Variants in GLDC observed in about 807,000 individuals in gnomAD.
GLDC encodes glycine dehydrogenase (decarboxylating), mitochondrial.
In GLDC, 104 loss-of-function variants were observed where a neutral mutation model predicts 121.3. The observed-to-expected ratio is 0.86, with a 90% CI of 0.73 to 1.01. The LOEUF (loss-of-function observed/expected upper bound fraction) is 1.01, where lower values mean the gene tolerates loss of function less well. Among genes scored for constraint, GLDC ranks in the 50% least tolerant of loss-of-function variants. The pLI is 0.00. For missense variants in GLDC, 1,429 were observed against 1,306.6 expected (o/e 1.09, Z -1.44); for synonymous variants, 546 against 480.6 (o/e 1.14, Z -1.78).
chr9:6,534,639 C>G lies in GLDC; in HGVS notation c.2919+69G>C, dbSNP rs998354203. ...GTTTCTGTAATCATGAGGCTAAGAG[C>G]GTACACCCGTCAGGATAGGAGCTGG... On this transcript the variant is annotated intron_variant, in intron 24 of 24. Transcript: ENST00000321612. 2.6e-5 allele frequency: 21 copies of G among 796,882 alleles called. No individual in the cohort carries two copies. The East Asian group carries it at 3.7e-4, about 14-fold the overall frequency. 49.4% of individuals were successfully genotyped at this position (796,882 alleles called of 1,614,324 possible).
intron 8 of GLDC, among the ~76,000 whole-genome samples, chr9:6,601,494 G>C (rs1013436910): frequency 6.6e-6 from 1 of 151,998 alleles, no homozygotes; most frequent in Non-Finnish European, 1.5e-5. Flanking sequence ...TGTGATTATG[G>C]GTAAAATGAA....
At chr9:6,560,069 C>G (rs1240937107) in intron 16 of GLDC, among the ~76,000 whole-genome samples, 2 of 152,180 alleles carry the variant, frequency 1.3e-5, no homozygotes, top group Non-Finnish European at 2.9e-5. Flanking sequence ...AATTCTCAGA[C>G]TCAAATCATC....
At chr9:6,583,544 T>C (rs913677569) in intron 15 of GLDC, among the ~76,000 whole-genome samples, 9 of 152,176 alleles carry the variant, frequency 5.9e-5, no homozygotes, top group Middle Eastern at 3.4e-3. Context: ...GGCATAGTGA[T>C]GCGTGCCAGT....
intron 15 of GLDC, among the ~76,000 whole-genome samples, chr9:6,577,926 C>T (rs958350894): frequency 6.6e-6 from 1 of 151,442 alleles, no homozygotes; most frequent in Non-Finnish European, 1.5e-5. Flanking sequence ...TAAGATCTTT[C>T]TTCTTTTTTC....
chr9:6,626,734 A>G (rs1285959917), intron 2 of GLDC, among the ~76,000 whole-genome samples: 2 of 152,208 alleles, frequency 1.3e-5, no homozygotes, highest in Non-Finnish European at 2.9e-5. Context: ...TCCAGGAGGT[A>G]ATAGGTAAAG....
chr9:6,643,867 C>G (rs771540948), intron 2 of GLDC, among the ~76,000 whole-genome samples: 1 of 151,124 alleles, frequency 6.6e-6, no homozygotes, highest in Non-Finnish European at 1.5e-5. Flanking sequence ...AACCCTGTCT[C>G]TAATAAAAAT....
intron 15 of GLDC, among the ~76,000 whole-genome samples, chr9:6,572,783 C>A (rs1817991048): frequency 6.6e-6 from 1 of 152,174 alleles, no homozygotes; most frequent in Non-Finnish European, 1.5e-5. Flanking sequence ...CTGTGAACTG[C>A]CCAATAACTT....
At position 6,606,660 on chromosome 9, in the gene GLDC, C is replaced by T. The variant is rs1818740340; in HGVS notation, c.645G>A (p.Lys215=). ...GGGGATCAACGAGAAATTTCCTCCT[C>T]TTGTTGTGTCTGTTGAAAAGAAAAA... ...EALQLCYRHN[K]RRKFLVDPRC... Residue 215 remains lysine (K), a synonymous_variant, in exon 5 of 25, where the codon AAG becomes AAA. Transcript: ENST00000321612. The T allele has an allele frequency of 6.3e-7, 1 of 1,596,434 alleles. No homozygotes were observed. The highest frequency in any genetic ancestry group is 8.6e-7 in the Non-Finnish European group (1 of 1,164,396).
chr9:6,610,498 T>A (rs763345943), intron 3 of GLDC, 142 bp from the exon 4 acceptor site: 1 of 771,084 alleles, frequency 1.3e-6, no homozygotes, highest in African/African-American at 1.7e-5. Context: ...AGCTTCTTTT[T>A]GGCCTTTGTA....
chr9:6,533,409 T>A (rs1817043139), intron 24 of GLDC, among the ~76,000 whole-genome samples: 1 of 152,242 alleles, frequency 6.6e-6, no homozygotes, highest in Non-Finnish European at 1.5e-5. Flanking sequence ...ATAGCAAAGT[T>A]GTGTTTGAAA....
chr9:6,607,814 C>T (rs1030819252), intron 4 of GLDC, among the ~76,000 whole-genome samples: 3 of 151,300 alleles, frequency 2.0e-5, no homozygotes, highest in Non-Finnish European at 2.9e-5. Flanking sequence ...CATGCCCAGC[C>T]AATTTTTGTA....
chr9:6,598,949 G>GT (rs1423689585), intron 8 of GLDC, among the ~76,000 whole-genome samples: 5 of 152,194 alleles, frequency 3.3e-5, no homozygotes. Context: ...GGGAGGCCAA[G>GT]GCGGGCGGAT....
chr9:6,566,299 GT>G (rs146572303), intron 15 of GLDC: 1 of 152,044 alleles, frequency 6.6e-6, no homozygotes, highest in East Asian at 1.9e-4. Flanking sequence ...ATGAACTTCA[GT>G]TTTTTCCTTT....
At chr9:6,601,225 T>C (rs532302430) in intron 8 of GLDC, among the ~76,000 whole-genome samples, 11 of 152,244 alleles carry the variant, frequency 7.2e-5, no homozygotes, top group African/African-American at 1.7e-4. Context: ...GAGTGCCTCA[T>C]GACTACCACC....
At chr9:6,576,463 T>C (rs1222559338) in intron 15 of GLDC, among the ~76,000 whole-genome samples, 1 of 152,114 alleles carries the variant, frequency 6.6e-6, no homozygotes, top group East Asian at 1.9e-4. Context: ...AATTTATTTT[T>C]TTCTTCTTCT....
Position 6,645,338 on chromosome 9 carries a change from C to G in GLDC, c.162G>C (p.Glu54Asp). ...AGTCGTCGTGTCTGGGCAGAAGGCG[C>G]TCCAGGAGGCGCGAGGCCCCAGCCG... ...SAAAGASRLL[E>D]RLLPRHDDFA... is the part of the protein sequence containing the mutation. Residue 54 changes from glutamate (E) to aspartate (D), a missense_variant, in exon 1 of 25, where the codon GAG becomes GAC. Transcript: ENST00000321612. 6.4e-7 allele frequency: 1 copy of G among 1,556,534 alleles called. No homozygotes were observed. Among genetic ancestry groups the G allele is most frequent in the Non-Finnish European group, 8.7e-7 (1 of 1,154,874 alleles).
intron 2 of GLDC, among the ~76,000 whole-genome samples, chr9:6,635,304 G>A (rs771464968): frequency 2.6e-5 from 4 of 152,168 alleles, no homozygotes; most frequent in Non-Finnish European, 5.9e-5. Context: ...AGCTGTAGAA[G>A]GAGATTTGGC....
In GLDC at chr9:6,534,753, G is replaced by A. The variant is rs146339375; in HGVS notation, c.2874C>T (p.Ser958=). 3.3e-4 allele frequency: 530 copies of A among 1,607,996 alleles called. 2 individuals carry two copies. The highest frequency in any genetic ancestry group is 4.3e-4 in the Non-Finnish European group (501 of 1,174,478). ...SPHSLTCVTS[S]HWDRPYSREV... is the part of the protein sequence containing the mutation. ...CTCTGGAATAAGGCCGGTCCCAGTG[G>A]GAAGATGTAACGCAGGTCAGGGAGT... The change falls in exon 24 of 25, where the codon TCC becomes TCT. Residue 958 remains serine (S), a synonymous_variant. Coordinates refer to ENST00000321612, the MANE Select transcript of GLDC (RefSeq NM_000170.3).
intron 18 of GLDC, among the ~76,000 whole-genome samples, chr9:6,555,711 G>A (rs1008136344): frequency 6.6e-6 from 1 of 152,180 alleles, no homozygotes; most frequent in Admixed American, 6.5e-5. Context: ...AGAACTGCTT[G>A]AACCCAGGAG....
Sources: allele counts gnomAD v4.1 joint callset (sites outside exome capture counted in the v4.1 genomes callset), GRCh38; gene constraint gnomAD v4.1.1; transcripts MANE v1.5; gene names NCBI Gene and HGNC (gene_info 2026-07-23, HGNC 2026-07-21).